FAM13B: variants seen among roughly 807,000 people sequenced by gnomAD.
The protein encoded by FAM13B is protein FAM13B.
A neutral mutation model predicts 117.3 loss-of-function variants in FAM13B; 60 were observed. The observed-to-expected ratio is 0.51, with a 90% CI of 0.42 to 0.63. FAM13B has a LOEUF of 0.63. Among genes scored for constraint, FAM13B ranks in the 30% least tolerant of loss-of-function variants. The pLI is 0.00. For missense variants in FAM13B, 972 were observed against 1,091.9 expected (o/e 0.89, Z 1.55); for synonymous variants, 332 against 356.1 (o/e 0.93, Z 0.76).
intron 1 of FAM13B, among the ~76,000 whole-genome samples, chr5:138,027,104 G>C (rs1788635338): frequency 6.6e-6 from 1 of 151,870 alleles, no homozygotes; most frequent in African/African-American, 2.4e-5. Flanking sequence ...CACTGCACTG[G>C]GCCTGGGCAA....
intron 1 of FAM13B, among the ~76,000 whole-genome samples, chr5:138,046,088 C>T (rs1791633501): frequency 6.6e-6 from 1 of 152,230 alleles, no homozygotes; most frequent in East Asian, 1.9e-4. Context: ...ATGCTGTTCT[C>T]GTGATAGTGA....
chr5:138,044,508 C>A (rs1791587242), intron 1 of FAM13B, among the ~76,000 whole-genome samples: 1 of 148,456 alleles, frequency 6.7e-6, no homozygotes, highest in South Asian at 2.1e-4. Flanking sequence ...CCCAAGATCA[C>A]ACCATTGCAC....
intron 16 of FAM13B, 109 bp from the exon 17 acceptor site, chr5:137,952,818 C>A: frequency 1.5e-6 from 1 of 650,086 alleles, no homozygotes; most frequent in Non-Finnish European, 2.6e-6. Flanking sequence ...GCTCAATTCT[C>A]ATTTCATCTT....
At chr5:138,012,909 A>G (rs916302378) in intron 4 of FAM13B, among the ~76,000 whole-genome samples, 3 of 152,178 alleles carry the variant, frequency 2.0e-5, no homozygotes, top group African/African-American at 7.2e-5. Context: ...TTGATTCAAA[A>G]AAAAAAAAAT....
intron 9 of FAM13B, among the ~76,000 whole-genome samples, chr5:137,986,998 A>G (rs980724381): frequency 2.0e-5 from 3 of 152,198 alleles, no homozygotes; most frequent in Non-Finnish European, 4.4e-5. Context: ...AAACATAAGC[A>G]GGGGAGAGGC....
intron 10 of FAM13B, among the ~76,000 whole-genome samples, chr5:137,977,722 A>G (rs1774428985): frequency 1.3e-5 from 2 of 152,210 alleles, no homozygotes; most frequent in African/African-American, 2.4e-5. Flanking sequence ...TGCAAAAGGC[A>G]TTCCACACAC....
chr5:137,993,860 C>T (rs1336764777), intron 7 of FAM13B, among the ~76,000 whole-genome samples: 1 of 152,088 alleles, frequency 6.6e-6, no homozygotes, highest in African/African-American at 2.4e-5. Flanking sequence ...CAAGTTCCCA[C>T]TCCAAATCTC....
At chr5:138,003,692 A>G (rs1781829439) in intron 7 of FAM13B, among the ~76,000 whole-genome samples, 1 of 152,170 alleles carries the variant, frequency 6.6e-6, no homozygotes, top group African/African-American at 2.4e-5. Flanking sequence ...TGGCCATGGG[A>G]ATAGAGACAC....
chr5:138,004,280 C>A (rs1259603729), intron 7 of FAM13B, among the ~76,000 whole-genome samples: 6 of 150,972 alleles, frequency 4.0e-5, no homozygotes, highest in South Asian at 4.2e-4. Context: ...AAAAAAAAAA[C>A]AAAACTGACA....
chr5:137,978,490 C>T (rs148238212), intron 10 of FAM13B, among the ~76,000 whole-genome samples: 1,726 of 151,412 alleles, frequency 0.011, 28 homozygotes, highest in African/African-American at 0.04. Flanking sequence ...TTTTGTTCAA[C>T]AGCAAAGGCA....
At chr5:138,041,313 A>G (rs185226035) in intron 1 of FAM13B, among the ~76,000 whole-genome samples, 3 of 152,314 alleles carry the variant, frequency 2.0e-5, no homozygotes, top group East Asian at 3.9e-4. Flanking sequence ...AACAATATCT[A>G]AATTCTACTA....
intron 17 of FAM13B, among the ~76,000 whole-genome samples, chr5:137,952,208 T>C (rs1765224394): frequency 1.3e-5 from 2 of 152,300 alleles, no homozygotes; most frequent in South Asian, 4.1e-4. Context: ...TTAGTCTTTG[T>C]GGTATAAACG....
At chr5:138,018,901 G>A (rs1420980649) in intron 3 of FAM13B, 54 bp downstream of exon 3, 7 of 1,424,554 alleles carry the variant, frequency 4.9e-6, no homozygotes, top group Non-Finnish European at 6.7e-6. Context: ...TCAAAAAGGT[G>A]TAAGTTGTGT....
In FAM13B at chr5:137,987,555, T is replaced by C. The variant is rs1581181395; in HGVS notation, c.952A>G (p.Ile318Val). The change falls in exon 9 of 24, where the codon ATA becomes GTA. Residue 318 changes from isoleucine to valine, a missense_variant. Transcript: ENST00000689681. ...TGTAAATTCTTAAGATCATGATCTA[T>C]GCTGCTCTGAAGATCAAAAAGGTGC... is the stretch of plus-strand genomic sequence containing the variant. ...EQHLFDLQSS[I>V]DHDLKNLQQQ... 1.2e-6 allele frequency: 2 copies of C among 1,613,562 alleles called. No individual in the cohort carries two copies. The highest frequency in any genetic ancestry group is 2.7e-5 in the African/African-American group (2 of 75,046).
intron 1 of FAM13B, among the ~76,000 whole-genome samples, chr5:138,048,518 G>A (rs920600119): frequency 1.3e-5 from 2 of 152,002 alleles, no homozygotes; most frequent in South Asian, 4.2e-4. Context: ...ATATCCACTG[G>A]GTAGGAACCA....
rs148533244 is a variant in FAM13B, at chr5:138,019,591, G to A, written c.-35-445C>T. 1.0e-2 allele frequency among the ~76,000 whole-genome samples: 1,522 copies of A among 152,266 alleles called. 13 individuals are homozygous for A. The highest frequency in any genetic ancestry group is 0.015 in the Non-Finnish European group (1,036 of 68,020). On this transcript the variant is annotated intron_variant, in intron 2 of 23. Transcript: ENST00000689681. ...CAGGAGAGAATCCTTTTTAGAAAGTGCAGATCTAATAACCACTTTTTATAA... is the reference window on the plus strand; with the variant it reads ...CAGGAGAGAATCCTTTTTAGAAAGTACAGATCTAATAACCACTTTTTATAA...
At chr5:138,021,738 A>T (rs896089486) in intron 1 of FAM13B, among the ~76,000 whole-genome samples, 17 of 152,228 alleles carry the variant, frequency 1.1e-4, no homozygotes, top group Admixed American at 1.0e-3. Context: ...TTTAGATTCA[A>T]TTAATAACTC....
intron 7 of FAM13B, among the ~76,000 whole-genome samples, chr5:138,004,821 T>C (rs1203738026): frequency 6.6e-6 from 1 of 152,112 alleles, no homozygotes. Flanking sequence ...AGGCTATACA[T>C]GAGCTGTGAT....
chr5:137,951,543 T>C (rs912071464), intron 17 of FAM13B, among the ~76,000 whole-genome samples: 2 of 151,938 alleles, frequency 1.3e-5, no homozygotes, highest in Admixed American at 6.6e-5. Context: ...TCTGTAGTCC[T>C]AGCTACTCTT....
Sources: allele counts gnomAD v4.1 joint callset (sites outside exome capture counted in the v4.1 genomes callset), GRCh38; gene constraint gnomAD v4.1.1; transcripts MANE v1.5; gene names NCBI Gene and HGNC (gene_info 2026-07-23, HGNC 2026-07-21).